Variants in ITPRID1 observed in about 807,000 individuals in gnomAD.
ITPRID1 encodes the protein ITPR interacting domain containing 1.
A neutral mutation model predicts 95.4 loss-of-function variants in ITPRID1; 96 were observed. That is an observed-to-expected ratio of 1.01 (90% CI 0.85 to 1.19). The LOEUF is 1.19. ITPRID1 is among the 50% of genes most tolerant of loss of function. The pLI, the probability that ITPRID1 is intolerant of heterozygous loss-of-function variation, is 0.00. For synonymous variants in ITPRID1, 510 were observed against 453.6 expected, an observed-to-expected ratio of 1.12 and a Z score of -1.58; for missense variants, 1,339 against 1,252.9, an observed-to-expected ratio of 1.07 and a Z score of -1.04.
intron 1 of ITPRID1, among the ~76,000 whole-genome samples, chr7:31,528,451 C>A (rs1362456722): frequency 6.6e-6 from 1 of 152,154 alleles, no homozygotes; most frequent in African/African-American, 2.4e-5. Context: ...GATGCTGAGA[C>A]AAAGTTGTGG....
chr7:31,602,484 T>C (rs1786436031), intron 10 of ITPRID1, among the ~76,000 whole-genome samples: 1 of 152,218 alleles, frequency 6.6e-6, no homozygotes, highest in South Asian at 2.1e-4. Flanking sequence ...CTAACTCCAT[T>C]GTTCTGTAAT....
At chr7:31,633,496 G>A (rs552364787) in intron 10 of ITPRID1, among the ~76,000 whole-genome samples, 8 of 152,308 alleles carry the variant, frequency 5.3e-5, no homozygotes, top group Non-Finnish European at 7.4e-5. Context: ...GAGAGGTTTT[G>A]TTTGTTCTAC....
At chr7:31,549,776 T>G (rs967998560) in intron 2 of ITPRID1, among the ~76,000 whole-genome samples, 4 of 152,132 alleles carry the variant, frequency 2.6e-5, no homozygotes, top group Middle Eastern at 3.2e-3. Flanking sequence ...TTAGTTACCT[T>G]GGGTCAAAGG....
In ITPRID1 at chr7:31,577,912, A is replaced by G; in HGVS notation, c.648A>G (p.Ser216=). 20 of 1,612,862 alleles carry G rather than the reference A, an allele frequency of 1.2e-5. 1 individual carries two copies. The South Asian group carries it at 1.9e-4, about 15-fold the overall frequency. ...EILDHVTNAF[S]SLLSDVSILP... is the part of the protein sequence containing the mutation. Reference sequence around the variant, plus strand: ...TGGACCATGTGACCAATGCCTTCTCATCTCTGCTGAGTGATGTCAGCATCC... The same window carrying G: ...TGGACCATGTGACCAATGCCTTCTCGTCTCTGCTGAGTGATGTCAGCATCC... The change falls in exon 9 of 15, where the codon TCA becomes TCG. Residue 216 remains serine, a synonymous_variant. Coordinates refer to ENST00000615280, the MANE Select transcript of ITPRID1 (RefSeq NM_001257967.3).
intron 10 of ITPRID1, among the ~76,000 whole-genome samples, chr7:31,626,229 C>A (rs2128187042): frequency 6.6e-6 from 1 of 152,264 alleles, no homozygotes; most frequent in African/African-American, 2.4e-5. Context: ...ATCATAACAT[C>A]ACATAAAGTA....
At chr7:31,628,929 A>T (rs919681910) in intron 10 of ITPRID1, among the ~76,000 whole-genome samples, 1 of 152,190 alleles carries the variant, frequency 6.6e-6, no homozygotes, top group African/African-American at 2.4e-5. Flanking sequence ...AGCTAGCTTC[A>T]CAAGAGGAAA....
At chr7:31,641,956 G>C (rs1242987475) in intron 10 of ITPRID1, among the ~76,000 whole-genome samples, 1 of 151,958 alleles carries the variant, frequency 6.6e-6, no homozygotes, top group Non-Finnish European at 1.5e-5. Context: ...TTCGTTTCAG[G>C]TTTTATTCTT....
At chr7:31,574,763 A>G in intron 8 of ITPRID1, 21 bp downstream of exon 8, 3 of 1,611,054 alleles carry the variant, frequency 1.9e-6, no homozygotes, top group South Asian at 1.1e-5. Context: ...TGCCTGTGGC[A>G]TTCGCATCTC....
At position 31,606,177 on chromosome 7, in the gene ITPRID1, T is replaced by G. The variant is rs561978059; in HGVS notation, c.1228+22986T>G. Among the ~76,000 whole-genome samples the G allele has an allele frequency of 2.0e-5, 3 of 152,278 alleles. No homozygotes were observed. The South Asian group carries it at 6.2e-4, about 32-fold the overall frequency. ...TAGATAATAGTGTAAATTCTTGCCT[T>G]CTGATAAATAGGACTATTTAAAAAA... On this transcript the variant is annotated intron_variant, in intron 10 of 14. Coordinates refer to ENST00000615280, the MANE Select transcript of ITPRID1 (RefSeq NM_001257967.3).
At chr7:31,549,652 C>T (rs10248545) in intron 2 of ITPRID1, among the ~76,000 whole-genome samples, 153 bp downstream of exon 2, 6 of 152,196 alleles carry the variant, frequency 3.9e-5, no homozygotes, top group African/African-American at 1.4e-4. Flanking sequence ...ATATTAAAAT[C>T]CAGAGTTATC....
chr7:31,628,457 TTTTC>T (rs1349847112), intron 10 of ITPRID1, among the ~76,000 whole-genome samples: 15 of 147,478 alleles, frequency 1.0e-4, no homozygotes, highest in African/African-American at 3.1e-4. Flanking sequence ...CCTTTTTTTT[TTTTC>T]TTTTTTTTTC....
chr7:31,599,173 C>G (rs1457587567), intron 10 of ITPRID1, among the ~76,000 whole-genome samples: 1 of 151,956 alleles, frequency 6.6e-6, no homozygotes, highest in African/African-American at 2.4e-5. Flanking sequence ...GCAATCAAAT[C>G]AATAAGAAAA....
intron 12 of ITPRID1, 38 bp from the exon 13 acceptor site, chr7:31,651,104 A>C (rs891815056): frequency 6.2e-7 from 1 of 1,600,792 alleles, no homozygotes. Flanking sequence ...AGAGGATCAG[A>C]GAGGACTTTC....
intron 12 of ITPRID1, among the ~76,000 whole-genome samples, chr7:31,645,991 T>C (rs1790433971): frequency 1.3e-5 from 2 of 152,096 alleles, no homozygotes; most frequent in African/African-American, 2.4e-5. Flanking sequence ...TGAGAGGCCG[T>C]ATGGGGGAAA....
chr7:31,596,299 G>C (rs563979735), intron 10 of ITPRID1, among the ~76,000 whole-genome samples: 11 of 151,442 alleles, frequency 7.3e-5, no homozygotes, highest in Non-Finnish European at 1.3e-4. Context: ...TCAAGAAATA[G>C]ATAATTTCTT....
rs79935107 is a variant in ITPRID1, at chr7:31,550,631, G to A, written c.-24+1132G>A. ...CCAGAAGCAGATTTGTTTACCAACT[G>A]GGAAGGCATCCACTAAAACAGGGGG... On this transcript the variant is annotated intron_variant, in intron 2 of 14. Coordinates refer to ENST00000615280, the MANE Select transcript of ITPRID1 (RefSeq NM_001257967.3). 4.9e-3 allele frequency among the ~76,000 whole-genome samples: 740 copies of A among 152,230 alleles called. 6 individuals are homozygous for A. Among genetic ancestry groups the A allele is most frequent in the African/African-American group, 0.017 (705 of 41,542 alleles).
At chr7:31,639,897 T>G (rs1177987863) in intron 10 of ITPRID1, among the ~76,000 whole-genome samples, 1 of 152,196 alleles carries the variant, frequency 6.6e-6, no homozygotes, top group Non-Finnish European at 1.5e-5. Context: ...TCTGCATTAG[T>G]CTTAGGGTGG....
At chr7:31,554,306 TGGAAAACA>T in intron 3 of ITPRID1, 161 bp from the exon 4 acceptor site, 1 of 1,250,462 alleles carries the variant, frequency 8.0e-7, no homozygotes, top group Non-Finnish European at 1.0e-6. Context: ...AGGCTGATCA[TGGAAAACA>T]GGAGATTTTG....
intron 10 of ITPRID1, among the ~76,000 whole-genome samples, chr7:31,588,339 T>C (rs1785710836): frequency 6.6e-6 from 1 of 151,998 alleles, no homozygotes; most frequent in African/African-American, 2.4e-5. Context: ...TAACAGAAAG[T>C]AGCAGTCTTG....
Sources: allele counts gnomAD v4.1 joint callset (sites outside exome capture counted in the v4.1 genomes callset), GRCh38; gene constraint gnomAD v4.1.1; transcripts MANE v1.5; gene names NCBI Gene and HGNC (gene_info 2026-07-23, HGNC 2026-07-21).